The following KLRF1 variants were observed in gnomAD, a reference collection of about 807,000 sequenced individuals.
The protein encoded by KLRF1 is killer cell lectin like receptor F1.
Under a neutral mutation model 30.7 loss-of-function variants are expected in KLRF1, and 27 were observed. That is an observed-to-expected ratio of 0.88 (90% CI 0.65 to 1.21). The LOEUF (loss-of-function observed/expected upper bound fraction) is 1.21, where lower values mean the gene tolerates loss of function less well. Among genes scored for constraint, KLRF1 ranks in the 50% most tolerant of loss-of-function variants. The pLI is 0.00. For synonymous variants in KLRF1, 92 were observed against 89.3 expected, an observed-to-expected ratio of 1.03 and a Z score of -0.17; for missense variants, 246 against 259.3, an observed-to-expected ratio of 0.95 and a Z score of 0.35.
intron 3 of KLRF1, among the ~76,000 whole-genome samples, chr12:9,839,947 G>T (rs181091503): frequency 1.6e-3 from 241 of 152,206 alleles, no homozygotes; most frequent in African/African-American, 5.7e-3. Flanking sequence ...AAGCAGCTCA[G>T]ATGTCCATCA....
chr12:9,807,790 G>A, the KLRF1 span, among the ~76,000 whole-genome samples: 7 of 152,050 alleles, frequency 4.6e-5, no homozygotes, highest in South Asian at 8.3e-4. Context: ...TCACTGTCAT[G>A]TTTGAAAGAT....
chr12:9,844,653 C>A lies in KLRF1; in HGVS notation c.*127C>A. ...TGCCAAAATCTCTTCTCCCTTCTCC[C>A]TCCATCATCGACACTGGTCTAGCCT... On this transcript the variant is annotated 3_prime_UTR_variant, in exon 6 of 6. Transcript: ENST00000617889. The A allele has an allele frequency of 1.7e-6, 1 of 575,222 alleles. No homozygotes were observed. Among genetic ancestry groups the A allele is most frequent in the Non-Finnish European group, 3.1e-6 (1 of 319,488 alleles). 35.6% of individuals were successfully genotyped at this position (575,222 alleles called of 1,614,324 possible).
chr12:9,802,722 G>A, the KLRF1 span, among the ~76,000 whole-genome samples: 3 of 151,998 alleles, frequency 2.0e-5, no homozygotes, highest in Non-Finnish European at 4.4e-5. Flanking sequence ...TTGCTATGAA[G>A]AGAATAAAAT....
the KLRF1 span, among the ~76,000 whole-genome samples, chr12:9,818,849 T>A: frequency 6.6e-6 from 1 of 152,190 alleles, no homozygotes; most frequent in Non-Finnish European, 1.5e-5. Flanking sequence ...AGCTAGTGTG[T>A]GCTGTTCTCA....
chr12:9,815,481 G>A, the KLRF1 span, among the ~76,000 whole-genome samples: 1 of 152,204 alleles, frequency 6.6e-6, no homozygotes, highest in African/African-American at 2.4e-5. Flanking sequence ...GTGTGGTTGA[G>A]GTCTATTTCT....
chr12:9,800,880 T>C, the KLRF1 span, among the ~76,000 whole-genome samples: 45 of 152,196 alleles, frequency 3.0e-4, no homozygotes, highest in Non-Finnish European at 5.3e-4. Context: ...GTGCAGAACA[T>C]GTAGGTTTGT....
At chr12:9,835,501 G>A (rs1867556437) in intron 3 of KLRF1, among the ~76,000 whole-genome samples, 1 of 152,068 alleles carries the variant, frequency 6.6e-6, no homozygotes, top group African/African-American at 2.4e-5. Context: ...ACAAGAAGAG[G>A]GCCTGGGAGG....
At chr12:9,814,124 C>T in the KLRF1 span, among the ~76,000 whole-genome samples, 96 of 152,212 alleles carry the variant, frequency 6.3e-4, 1 homozygote, top group East Asian at 0.017. Context: ...GGCTGGGTCC[C>T]TGGCACTCTA....
chr12:9,818,499 C>T, the KLRF1 span, among the ~76,000 whole-genome samples: 1 of 152,206 alleles, frequency 6.6e-6, no homozygotes, highest in African/African-American at 2.4e-5. Flanking sequence ...ATGGATAAGA[C>T]ATTCTGTAAC....
At chr12:9,806,553 A>G in the KLRF1 span, among the ~76,000 whole-genome samples, 6,833 of 152,154 alleles carry the variant, frequency 0.045, 314 homozygotes, top group African/African-American at 0.12. Context: ...GATTGTGTTC[A>G]TTTAATCCAG....
At chr12:9,818,041 T>G in the KLRF1 span, 2 of 213,920 alleles carry the variant, frequency 9.3e-6, no homozygotes, top group Admixed American at 4.5e-5. Context: ...CACTAATAAC[T>G]ATTGGAGGGT....
the KLRF1 span, among the ~76,000 whole-genome samples, chr12:9,811,319 C>CAAAA: frequency 2.2e-3 from 138 of 62,182 alleles, 10 homozygotes; most frequent in East Asian, 0.051. Flanking sequence ...AGAAGTAGTC[C>CAAAA]AAAAAAAAAA....
chr12:9,800,537 C>G, the KLRF1 span, among the ~76,000 whole-genome samples: 1 of 152,006 alleles, frequency 6.6e-6, no homozygotes, highest in Admixed American at 6.6e-5. Context: ...TAACTTAACT[C>G]CCACTTATAA....
chr12:9,804,045 T>C, the KLRF1 span, among the ~76,000 whole-genome samples: 1 of 151,850 alleles, frequency 6.6e-6, no homozygotes, highest in Non-Finnish European at 1.5e-5. Flanking sequence ...TTTTACATTC[T>C]CATTAGCAAG....
chr12:9,815,938 CCTCCTGAATAG>C, the KLRF1 span, among the ~76,000 whole-genome samples: 854 of 152,322 alleles, frequency 5.6e-3, 6 homozygotes, highest in Non-Finnish European at 9.7e-3. Context: ...CCTGCTTCAG[CCTCCTGAATAG>C]CTGGGATTAC....
chr12:9,840,332 G>A (rs1867672986), intron 3 of KLRF1, among the ~76,000 whole-genome samples: 1 of 151,918 alleles, frequency 6.6e-6, no homozygotes, highest in African/African-American at 2.4e-5. Context: ...TGGCTAAAAT[G>A]GTGAATTTTA....
intron 3 of KLRF1, among the ~76,000 whole-genome samples, chr12:9,836,417 C>T (rs1389183251): frequency 6.6e-6 from 1 of 152,064 alleles, no homozygotes; most frequent in African/African-American, 2.4e-5. Context: ...GGTGCTATCC[C>T]CAAACCGCCA....
In KLRF1 at chr12:9,833,402, G is replaced by A; in HGVS notation, c.284G>A (p.Arg95Lys). Residue 95 changes from arginine (R) to lysine (K), a missense_variant, in exon 3 of 6, where the codon AGA becomes AAA. By Grantham distance (26) the Arg-to-Lys change is conservative (BLOSUM62 2). Transcript: ENST00000617889. ...CTAAAAGTGAATAATGGCACAAGAA[G>A]AAATATAAGTAATAAGGACCTTTGT... ...GDLKVNNGTR[R>K]NISNKDLCAS... 1 of 1,612,276 alleles carries A rather than the reference G, an allele frequency of 6.2e-7. No individual in the cohort carries two copies. Among genetic ancestry groups the A allele is most frequent in the Non-Finnish European group, 8.5e-7 (1 of 1,179,058 alleles).
At chr12:9,808,807 A>G in the KLRF1 span, among the ~76,000 whole-genome samples, 11 of 152,190 alleles carry the variant, frequency 7.2e-5, no homozygotes, top group Non-Finnish European at 1.6e-4. Context: ...TAAAAGACTT[A>G]TCACATTAAT....
Sources: gnomAD v4.1 joint callset for allele counts (sites outside exome capture counted in the v4.1 genomes callset) on GRCh38, gnomAD v4.1.1 for gene constraint, MANE v1.5 for transcripts, NCBI Gene and HGNC (gene_info 2026-07-23, HGNC 2026-07-21) for gene names.